The following DPF3 variants were observed in gnomAD, a reference collection of about 807,000 sequenced individuals.
DPF3 encodes the protein zinc finger protein DPF3.
Under a neutral mutation model 56.8 loss-of-function variants are expected in DPF3, and 18 were observed. That is an observed-to-expected ratio of 0.32 (90% CI 0.22 to 0.47). The LOEUF is 0.47. Ranked by LOEUF, DPF3 falls within the 20% of genes least tolerant of loss-of-function variation. The probability of loss-of-function intolerance (pLI) is 1.00; values close to 1 mark genes in which losing one functional copy is unlikely to be tolerated. For missense variants in DPF3, 403 were observed against 488.8 expected, an observed-to-expected ratio of 0.82 and a Z score of 1.65; for synonymous variants, 188 against 180.2, an observed-to-expected ratio of 1.04 and a Z score of -0.35.
At chr14:72,768,805 T>C (rs1457426674) in intron 2 of DPF3, among the ~76,000 whole-genome samples, 1 of 152,170 alleles carries the variant, frequency 6.6e-6, no homozygotes, top group Non-Finnish European at 1.5e-5. Flanking sequence ...GTAATTTGGC[T>C]GCACATGTTT....
At chr14:72,867,629 A>C (rs962627310) in intron 1 of DPF3, among the ~76,000 whole-genome samples, 1 of 152,248 alleles carries the variant, frequency 6.6e-6, no homozygotes, top group African/African-American at 2.4e-5. Flanking sequence ...ACAATTGAAG[A>C]GATGCCCCGC....
chr14:72,626,812 AT>A (rs986064930), intron 9 of DPF3, among the ~76,000 whole-genome samples: 2 of 151,876 alleles, frequency 1.3e-5, no homozygotes, highest in Non-Finnish European at 2.9e-5. Context: ...TGAAGGCACC[AT>A]TTTTCCCATA....
At chr14:72,856,383 G>A (rs1885170310) in intron 1 of DPF3, among the ~76,000 whole-genome samples, 1 of 152,118 alleles carries the variant, frequency 6.6e-6, no homozygotes, top group East Asian at 1.9e-4. Flanking sequence ...AATTTACTCA[G>A]GGATCCATGA....
At chr14:72,857,438 T>A (rs1273100146) in intron 1 of DPF3, among the ~76,000 whole-genome samples, 1 of 152,200 alleles carries the variant, frequency 6.6e-6, no homozygotes, top group African/African-American at 2.4e-5. Flanking sequence ...TTGAACTTCC[T>A]TTGAGTTTCA....
chr14:72,651,273 A>G lies in DPF3; in HGVS notation c.872-21537T>C, dbSNP rs11158965. On this transcript the variant is annotated intron_variant, in intron 8 of 10. Coordinates refer to ENST00000556509, the MANE Select transcript of DPF3 (RefSeq NM_001280542.3). ...CTCCTTCTTCCTGTTCAGCCACCAC[A>G]GCAAACAAGAGCCCCTGGGGCCTCA... 3.8e-3 allele frequency among the ~76,000 whole-genome samples: 576 copies of G among 152,344 alleles called. 9 individuals carry two copies. The East Asian group carries it at 0.04, about 11-fold the overall frequency.
intron 1 of DPF3, among the ~76,000 whole-genome samples, chr14:72,819,602 T>C (rs1421265352): frequency 6.6e-6 from 1 of 151,126 alleles, no homozygotes; most frequent in East Asian, 1.9e-4. Context: ...TGGATAAGAC[T>C]TTTTTTTTAA....
At chr14:72,813,441 C>T (rs2159714) in intron 1 of DPF3, among the ~76,000 whole-genome samples, 9,171 of 152,258 alleles carry the variant, frequency 0.06, 343 homozygotes, top group Non-Finnish European at 0.085. Flanking sequence ...TCTGCAAAAG[C>T]TTTGCAAACT....
At chr14:72,768,157 C>G (rs1891368876) in intron 2 of DPF3, among the ~76,000 whole-genome samples, 1 of 152,116 alleles carries the variant, frequency 6.6e-6, no homozygotes, top group Non-Finnish European at 1.5e-5. Context: ...AAAGAAAGTA[C>G]TACATCAGAA....
intron 4 of DPF3, among the ~76,000 whole-genome samples, chr14:72,727,107 C>T (rs1889437691): frequency 6.6e-6 from 1 of 152,176 alleles, no homozygotes; most frequent in Non-Finnish European, 1.5e-5. Context: ...ACCTGTCAAA[C>T]TCCTGGGCTC....
intron 1 of DPF3, among the ~76,000 whole-genome samples, chr14:72,891,483 G>A (rs1886751114): frequency 6.6e-6 from 1 of 152,058 alleles, no homozygotes; most frequent in Admixed American, 6.5e-5. Context: ...CCCTTCGGCT[G>A]GATGTGTCTC....
chr14:72,795,287 A>ATATATATATAT (rs1371528147), intron 1 of DPF3, among the ~76,000 whole-genome samples: 8 of 124,966 alleles, frequency 6.4e-5, no homozygotes, highest in Non-Finnish European at 1.4e-4. Context: ...CAAAAAAAAA[A>ATATATATATAT]AAAAAAAAAT....
chr14:72,668,799 G>A (rs1016862499), intron 8 of DPF3, among the ~76,000 whole-genome samples: 1 of 150,200 alleles, frequency 6.7e-6, no homozygotes, highest in African/African-American at 2.5e-5. Flanking sequence ...TATTAACATA[G>A]AAGCTCACAT....
intron 8 of DPF3, among the ~76,000 whole-genome samples, chr14:72,654,734 C>T (rs574744882): frequency 6.6e-6 from 1 of 152,106 alleles, no homozygotes; most frequent in Non-Finnish European, 1.5e-5. Context: ...AAAGTAACCC[C>T]CAAAAGGTTA....
intron 2 of DPF3, among the ~76,000 whole-genome samples, chr14:72,753,979 T>C (rs1204422764): frequency 6.6e-6 from 1 of 150,844 alleles, no homozygotes; most frequent in African/African-American, 2.4e-5. Context: ...CCCGCACACC[T>C]CTATATCCCC....
chr14:72,671,959 A>C (rs1886694318), intron 8 of DPF3, among the ~76,000 whole-genome samples: 1 of 152,134 alleles, frequency 6.6e-6, no homozygotes, highest in African/African-American at 2.4e-5. Context: ...GTGATAAAAT[A>C]GTTTGTTTCC....
chr14:72,700,833 T>C (rs769154529), intron 6 of DPF3, among the ~76,000 whole-genome samples: 24 of 152,228 alleles, frequency 1.6e-4, no homozygotes, highest in African/African-American at 2.2e-4. Context: ...GAGACCCATA[T>C]GAGAGAATGT....
chr14:72,849,578 GGT>G (rs1884891830), intron 1 of DPF3, among the ~76,000 whole-genome samples: 1 of 152,160 alleles, frequency 6.6e-6, no homozygotes, highest in Non-Finnish European at 1.5e-5. Context: ...CGTCTGGCCT[GGT>G]AATGGTGTGG....
intron 1 of DPF3, among the ~76,000 whole-genome samples, chr14:72,808,907 G>A (rs1882909270): frequency 6.6e-6 from 1 of 152,350 alleles, no homozygotes; most frequent in African/African-American, 2.4e-5. Context: ...CTACCTACCT[G>A]CTGTGCGAAC....
Position 72,618,796 on chromosome 14 carries a change from C to T in DPF3, c.*501G>A, listed in dbSNP as rs1452839794. 6.6e-6 allele frequency among the ~76,000 whole-genome samples: 1 copy of T among 152,210 alleles called. No homozygotes were observed. Among genetic ancestry groups the T allele is most frequent in the African/African-American group, 2.4e-5 (1 of 41,446 alleles). On this transcript the variant is annotated 3_prime_UTR_variant, in exon 11 of 11. Transcript: ENST00000556509. The stretch of plus-strand genomic sequence containing the variant: ...TCAAGACCCCAAGTCTAGAAGTTTC[C>T]AGTGAGGCTTGCCATAAACGACAAC...
Sources: allele counts gnomAD v4.1 joint callset (sites outside exome capture counted in the v4.1 genomes callset), GRCh38; gene constraint gnomAD v4.1.1; transcripts MANE v1.5; gene names NCBI Gene and HGNC (gene_info 2026-07-23, HGNC 2026-07-21).